CCDC148: variants seen among roughly 807,000 people sequenced by gnomAD.
The protein encoded by CCDC148 is coiled-coil domain containing 148.
Under a neutral mutation model 85.7 loss-of-function variants are expected in CCDC148, and 89 were observed. The ratio of observed to expected loss-of-function variants is 1.04; its 90% CI spans 0.87 to 1.24. The LOEUF (loss-of-function observed/expected upper bound fraction) is 1.24, where lower values mean the gene tolerates loss of function less well. Among genes scored for constraint, CCDC148 ranks in the 50% most tolerant of loss-of-function variants. The probability of loss-of-function intolerance (pLI) is 0.00; values close to 1 mark genes in which losing one functional copy is unlikely to be tolerated. For synonymous variants in CCDC148, 230 were observed against 213.9 expected, an observed-to-expected ratio of 1.08 and a Z score of -0.66; for missense variants, 692 against 671.7, an observed-to-expected ratio of 1.03 and a Z score of -0.33.
rs1337841717 is a variant in CCDC148 at position 158,224,625 on chromosome 2, C to CAGAAG, written c.1252-3917_1252-3913dup. Among the ~76,000 whole-genome samples the CAGAAG allele has an allele frequency of 4.6e-5, 7 of 152,298 alleles. No homozygotes were observed. The East Asian group carries it at 1.2e-3, about 25-fold the overall frequency. On this transcript the variant is annotated intron_variant, in intron 10 of 13. Transcript: ENST00000283233. ...GATCTCCTGGCTGAAACTCTCAAGC[C>CAGAAG]AGAAGAGAGTAGGGGCCAATATTCA...
chr2:158,224,396 A>G (rs1017736440), intron 10 of CCDC148, among the ~76,000 whole-genome samples: 6 of 152,246 alleles, frequency 3.9e-5, no homozygotes, highest in South Asian at 2.1e-4. Context: ...ACTCTGCAGG[A>G]TATTATCCAG....
chr2:158,418,873 A>G (rs969319481), intron 1 of CCDC148, among the ~76,000 whole-genome samples: 1 of 152,218 alleles, frequency 6.6e-6, no homozygotes, highest in African/African-American at 2.4e-5. Flanking sequence ...GAGTGAATCA[A>G]TGAGTGAATC....
intron 7 of CCDC148, among the ~76,000 whole-genome samples, chr2:158,323,204 C>T (rs1164609547): frequency 6.6e-6 from 1 of 152,176 alleles, no homozygotes; most frequent in Non-Finnish European, 1.5e-5. Flanking sequence ...TAAAGCTGTG[C>T]TGTCCAAGAT....
chr2:158,442,459 T>C (rs1434730364), intron 1 of CCDC148, among the ~76,000 whole-genome samples: 3 of 152,130 alleles, frequency 2.0e-5, no homozygotes, highest in African/African-American at 7.2e-5. Flanking sequence ...AAAATCACGT[T>C]TCAAACAGGA....
At chr2:158,450,537 GGTAA>G (rs1475509993) in intron 1 of CCDC148, among the ~76,000 whole-genome samples, 1 of 152,144 alleles carries the variant, frequency 6.6e-6, no homozygotes, top group African/African-American at 2.4e-5. Flanking sequence ...GTCCACTTAC[GGTAA>G]GTGTCACCTT....
chr2:158,392,581 T>A (rs1685359530), intron 1 of CCDC148, among the ~76,000 whole-genome samples: 1 of 151,086 alleles, frequency 6.6e-6, no homozygotes, highest in African/African-American at 2.4e-5. Context: ...ACACTTCTGG[T>A]CCCAAGCATT....
chr2:158,228,444 A>C (rs1226573738), intron 10 of CCDC148, among the ~76,000 whole-genome samples: 1 of 152,186 alleles, frequency 6.6e-6, no homozygotes, highest in Admixed American at 6.5e-5. Context: ...TTGACCCAGC[A>C]ATCCCATTGC....
chr2:158,183,353 A>G (rs1684997381), intron 11 of CCDC148, among the ~76,000 whole-genome samples: 1 of 152,164 alleles, frequency 6.6e-6, no homozygotes, highest in Non-Finnish European at 1.5e-5. Context: ...ATACAAATGC[A>G]AATGTTTGGA....
intron 7 of CCDC148, among the ~76,000 whole-genome samples, chr2:158,315,843 G>A (rs757216727): frequency 3.3e-5 from 5 of 152,146 alleles, no homozygotes; most frequent in Non-Finnish European, 5.9e-5. Context: ...CTACCTGGAG[G>A]TACAGAAAGC....
intron 1 of CCDC148, among the ~76,000 whole-genome samples, chr2:158,420,494 A>G (rs1232373525): frequency 6.6e-6 from 1 of 152,196 alleles, no homozygotes. Flanking sequence ...ACTAAACTTC[A>G]TAAATGAAGG....
chr2:158,244,857 C>G (rs1328017295), intron 10 of CCDC148, among the ~76,000 whole-genome samples: 2 of 152,142 alleles, frequency 1.3e-5, no homozygotes, highest in Non-Finnish European at 2.9e-5. Context: ...TGGTGTTATT[C>G]ATTGACCGAC....
At chr2:158,220,757 T>C (rs757572813) in intron 10 of CCDC148, 44 bp from the exon 11 acceptor site, 3 of 1,425,268 alleles carry the variant, frequency 2.1e-6, no homozygotes, top group Non-Finnish European at 2.9e-6. Context: ...ACAACAGATA[T>C]GTAAAAATGA....
intron 9 of CCDC148, among the ~76,000 whole-genome samples, chr2:158,278,154 G>A (rs2105170533): frequency 6.6e-6 from 1 of 152,188 alleles, no homozygotes; most frequent in South Asian, 2.1e-4. Context: ...AGCCAAGATG[G>A]CCGAATAGGA....
intron 9 of CCDC148, among the ~76,000 whole-genome samples, chr2:158,265,775 A>G (rs1403641608): frequency 2.0e-5 from 3 of 152,096 alleles, no homozygotes; most frequent in Admixed American, 1.3e-4. Flanking sequence ...TAGCCAACAT[A>G]TCTCCAAAAG....
intron 2 of CCDC148, among the ~76,000 whole-genome samples, chr2:158,350,387 G>C (rs562711788): frequency 2.6e-5 from 4 of 152,050 alleles, no homozygotes; most frequent in Non-Finnish European, 4.4e-5. Context: ...ATATAAGTGT[G>C]TATATATACA....
chr2:158,329,503 G>C (rs928028649), intron 7 of CCDC148, among the ~76,000 whole-genome samples: 14 of 151,882 alleles, frequency 9.2e-5, no homozygotes, highest in African/African-American at 3.1e-4. Context: ...GCTCTTTTTT[G>C]GTTCCATATG....
intron 11 of CCDC148, among the ~76,000 whole-genome samples, chr2:158,193,897 C>G (rs1278812095): frequency 1.6e-5 from 2 of 127,682 alleles, no homozygotes; most frequent in Non-Finnish European, 3.2e-5. Context: ...GTGATGTTCC[C>G]CCTTCTGTGT....
chr2:158,313,934 T>A, intron 7 of CCDC148, 40 bp from the exon 8 acceptor site: 1 of 1,584,226 alleles, frequency 6.3e-7, no homozygotes, highest in Non-Finnish European at 8.6e-7. Flanking sequence ...TATTGAGCAA[T>A]CATGAAATTT....
intron 9 of CCDC148, among the ~76,000 whole-genome samples, chr2:158,278,796 G>A (rs892808103): frequency 1.3e-5 from 2 of 152,252 alleles, no homozygotes; most frequent in African/African-American, 4.8e-5. Flanking sequence ...GCACGCGGAT[G>A]GAGATCTGAG....
Sources: gnomAD v4.1 joint callset for allele counts (sites outside exome capture counted in the v4.1 genomes callset) on GRCh38, gnomAD v4.1.1 for gene constraint, MANE v1.5 for transcripts, NCBI Gene and HGNC (gene_info 2026-07-23, HGNC 2026-07-21) for gene names.